The following SMIM10L2A variants were observed in gnomAD, a reference collection of about 807,000 sequenced individuals.
The protein encoded by SMIM10L2A is small integral membrane protein 10 like 2A.
SMIM10L2A carries 2 observed loss-of-function variants against 3.0 expected under a neutral mutation model. The observed-to-expected ratio is 0.66, with a 90% CI of 0.27 to 2.08. SMIM10L2A has a LOEUF of 2.08. SMIM10L2A is among the 30% of genes most tolerant of loss of function. The pLI, the probability that SMIM10L2A is intolerant of heterozygous loss-of-function variation, is 0.14. For missense variants in SMIM10L2A, 59 were observed against 66.5 expected, an observed-to-expected ratio of 0.89 and a Z score of 0.39; for synonymous variants, 29 against 34.8, an observed-to-expected ratio of 0.83 and a Z score of 0.58.
In SMIM10L2A at chrX:135,422,383, G is replaced by A; in HGVS notation, c.*15G>A. 7 of 554,759 alleles carry A rather than the reference G, an allele frequency of 1.3e-5. No individual in the cohort carries two copies. The highest frequency in any genetic ancestry group is 1.8e-5 in the Non-Finnish European group (7 of 389,777). 45.7% of individuals were successfully genotyped at this position (554,759 alleles called of 1,213,427 possible). A position where few individuals can be genotyped will look rare whatever the true frequency, so the allele number is the denominator to read the frequency against. Reference sequence around the variant, plus strand: ...GGATCGAGTGAGCGCCGGCGGCGGCGGCGGCGAAGGCCCGGCTGAAGGGGC... The same window carrying A: ...GGATCGAGTGAGCGCCGGCGGCGGCAGCGGCGAAGGCCCGGCTGAAGGGGC... On this transcript the variant is annotated 3_prime_UTR_variant, in exon 1 of 2. Transcript: ENST00000417443.
Position 135,424,326 on chromosome X carries a change from C to G in SMIM10L2A, c.*1056C>G, listed in dbSNP as rs1210362375. On this transcript the variant is annotated 3_prime_UTR_variant, in exon 2 of 2. Transcript: ENST00000417443. ...TCCTCAGCAGTGAAGTGGCACAAGCCTCCCAGTTTGGTGGGCAAGTGGGGG... is the reference window on the plus strand; with the variant it reads ...TCCTCAGCAGTGAAGTGGCACAAGCGTCCCAGTTTGGTGGGCAAGTGGGGG... 1 of 111,010 alleles carries G rather than the reference C, an allele frequency of 9.0e-6. No individual in the cohort carries two copies. The highest frequency in any genetic ancestry group is 3.3e-5 in the African/African-American group (1 of 30,395). The allele number at this position is 111,010 out of a possible 1,213,427, so 9.1% of individuals were successfully genotyped here.
rs2085134240 is a variant in SMIM10L2A, at chrX:135,422,300, A to G, written c.169A>G (p.Asn57Asp). ...CGACCTGGCCTGGCGGCTGCGCATGAACTTCCCCTACTTCTACATCGTGGC... is the reference window on the plus strand; with the variant it reads ...CGACCTGGCCTGGCGGCTGCGCATGGACTTCCCCTACTTCTACATCGTGGC... ...FFDLAWRLRM[N>D]FPYFYIVASV... is the part of the protein sequence containing the mutation. The change falls in exon 1 of 2, where the codon AAC becomes GAC. Residue 57 changes from asparagine (N) to aspartate (D), a missense_variant. Physicochemically the swap from Asn to Asp is conservative, Grantham distance 23 (BLOSUM62 1). Coordinates refer to ENST00000417443, the MANE Select transcript of SMIM10L2A (RefSeq NM_203306.3). 5.0e-6 allele frequency: 5 copies of G among 1,007,592 alleles called. No individual in the cohort carries two copies. The highest frequency in any genetic ancestry group is 6.6e-6 in the Non-Finnish European group (5 of 759,891). 83.0% of individuals were successfully genotyped at this position (1,007,592 alleles called of 1,213,427 possible).
Position 135,426,377 on chromosome X carries a change from G to A in SMIM10L2A, c.*3107G>A, listed in dbSNP as rs372261701. 1.8e-5 allele frequency: 2 copies of A among 109,976 alleles called. No homozygotes were observed. The allele number at this position is 109,976 out of a possible 1,213,427, so 9.1% of individuals were successfully genotyped here. ...AAGGGTTGGCAAGCAGGCAAAAGGC[G>A]GGGGAGGGAGGGCAGAGGGTAGTGT... On this transcript the variant is annotated 3_prime_UTR_variant, in exon 2 of 2. Coordinates refer to ENST00000417443, the MANE Select transcript of SMIM10L2A (RefSeq NM_203306.3).
Position 135,422,611 on chromosome X carries a change from C to T in SMIM10L2A, c.*243C>T. ...AACGCACTGAATGGGCCCCTGCCAT[C>T]GGGCTCCAGAAACTACCTGGGCTCG... On this transcript the variant is annotated 3_prime_UTR_variant, in exon 1 of 2. Coordinates refer to ENST00000417443, the MANE Select transcript of SMIM10L2A (RefSeq NM_203306.3). 9.7e-6 allele frequency: 2 copies of T among 205,714 alleles called. No homozygotes were observed. Among genetic ancestry groups the T allele is most frequent in the Non-Finnish European group, 1.8e-5 (2 of 111,733 alleles). 17.0% of individuals were successfully genotyped at this position (205,714 alleles called of 1,213,427 possible).
Position 135,427,751 on chromosome X carries a change from A to T in SMIM10L2A, c.*4481A>T, listed in dbSNP as rs1224806797. The T allele has an allele frequency of 2.7e-5, 3 of 112,284 alleles. No homozygotes were observed. The highest frequency in any genetic ancestry group is 3.8e-5 in the Non-Finnish European group (2 of 53,282). The allele number at this position is 112,284 out of a possible 1,213,427, so 9.3% of individuals were successfully genotyped here. On this transcript the variant is annotated 3_prime_UTR_variant, in exon 2 of 2. Transcript: ENST00000417443. ...ATCTCTTTTGTATGAAGGTTTCATC[A>T]TGTATCCCCCAGTGCCCTTTGGTTG...
rs2085142880 is a variant in SMIM10L2A at position 135,424,141 on chromosome X, G to A, written c.*871G>A. 1 of 111,358 alleles carries A rather than the reference G, an allele frequency of 9.0e-6. No individual in the cohort carries two copies. The highest frequency in any genetic ancestry group is 3.3e-5 in the African/African-American group (1 of 30,519). 9.2% of individuals were successfully genotyped at this position (111,358 alleles called of 1,213,427 possible). The stretch of plus-strand genomic sequence containing the variant: ...AGGGGCCCAGGGGTAGGGAATCTAG[G>A]AATGTCGCTTTCCTTGGAGCAGTAC... On this transcript the variant is annotated 3_prime_UTR_variant, in exon 2 of 2. Coordinates refer to ENST00000417443, the MANE Select transcript of SMIM10L2A (RefSeq NM_203306.3).
In SMIM10L2A at chrX:135,422,235, C is replaced by T. The variant is rs1338385257; in HGVS notation, c.104C>T (p.Ala35Val). The T allele has an allele frequency of 3.3e-5, 36 of 1,080,905 alleles. No homozygotes were observed. Among genetic ancestry groups the T allele is most frequent in the Non-Finnish European group, 3.8e-5 (31 of 823,784 alleles). The allele number at this position is 1,080,905 out of a possible 1,213,427, so 89.1% of individuals were successfully genotyped here. A position where few individuals can be genotyped will look rare whatever the true frequency, so the allele number is the denominator to read the frequency against. ...GCTGCGGCCCGAGGCTCGTACGGCG[C>T]CTTCTGCAAGGGGCTCACGCGCACG... is the stretch of plus-strand genomic sequence containing the variant. ...RSAAARGSYG[A>V]FCKGLTRTLL... Residue 35 changes from alanine to valine, a missense_variant, in exon 1 of 2, where the codon GCC becomes GTC. Transcript: ENST00000417443.
In SMIM10L2A at chrX:135,426,886, G is replaced by T. The variant is rs142521890; in HGVS notation, c.*3616G>T. Reference sequence around the variant, plus strand: ...CTTACTACTGTGTGGTGCCAGGCAAGCTGTGCACAACCTGGAGTTTTTAGT... The same window carrying T: ...CTTACTACTGTGTGGTGCCAGGCAATCTGTGCACAACCTGGAGTTTTTAGT... On this transcript the variant is annotated 3_prime_UTR_variant, in exon 2 of 2. Coordinates refer to ENST00000417443, the MANE Select transcript of SMIM10L2A (RefSeq NM_203306.3). The T allele has an allele frequency of 8.8e-4, 100 of 113,381 alleles. No individual in the cohort carries two copies. Among genetic ancestry groups the T allele is most frequent in the African/African-American group, 2.9e-3 (91 of 31,286 alleles). 9.3% of individuals were successfully genotyped at this position (113,381 alleles called of 1,213,427 possible).
chrX:135,422,244 A>G lies in SMIM10L2A; in HGVS notation c.113A>G (p.Lys38Arg). Residue 38 changes from lysine (K) to arginine (R), a missense_variant, in exon 1 of 2, where the codon AAG becomes AGG. Coordinates refer to ENST00000417443, the MANE Select transcript of SMIM10L2A (RefSeq NM_203306.3). ...AARGSYGAFC[K>R]GLTRTLLTFF... ...CGAGGCTCGTACGGCGCCTTCTGCA[A>G]GGGGCTCACGCGCACGCTGCTCACC... 1.8e-6 allele frequency: 2 copies of G among 1,085,224 alleles called. No homozygotes were observed. The highest frequency in any genetic ancestry group is 2.4e-6 in the Non-Finnish European group (2 of 825,902). The allele number at this position is 1,085,224 out of a possible 1,213,427, so 89.4% of individuals were successfully genotyped here.
In SMIM10L2A at chrX:135,424,886, G is replaced by A. The variant is rs1181473693; in HGVS notation, c.*1616G>A. 2.7e-5 allele frequency: 3 copies of A among 111,518 alleles called. No homozygotes were observed. Among genetic ancestry groups the A allele is most frequent in the Non-Finnish European group, 5.7e-5 (3 of 53,025 alleles). The allele number at this position is 111,518 out of a possible 1,213,427, so 9.2% of individuals were successfully genotyped here. Reference sequence around the variant, plus strand: ...CATGCCCCCTTGTCCCAAGTTTCTTGGGAACCCCTGACCCTGCTGGCCCCT... The same window carrying A: ...CATGCCCCCTTGTCCCAAGTTTCTTAGGAACCCCTGACCCTGCTGGCCCCT... On this transcript the variant is annotated 3_prime_UTR_variant, in exon 2 of 2. Coordinates refer to ENST00000417443, the MANE Select transcript of SMIM10L2A (RefSeq NM_203306.3).
In SMIM10L2A at chrX:135,427,806, G is replaced by A. The variant is rs2085158372; in HGVS notation, c.*4536G>A. 8.9e-6 allele frequency: 1 copy of A among 111,882 alleles called. No homozygotes were observed. The highest frequency in any genetic ancestry group is 3.3e-5 in the African/African-American group (1 of 30,722). 9.2% of individuals were successfully genotyped at this position (111,882 alleles called of 1,213,427 possible). On this transcript the variant is annotated 3_prime_UTR_variant, in exon 2 of 2. Coordinates refer to ENST00000417443, the MANE Select transcript of SMIM10L2A (RefSeq NM_203306.3). ...TCTTTGTTGTCATTTATTTTGGTGG[G>A]GGTTGGTTTGCTTTTTGTTGTTGTT... is the stretch of plus-strand genomic sequence containing the variant.
In SMIM10L2A at chrX:135,426,356, G is replaced by A. The variant is rs1395132233; in HGVS notation, c.*3086G>A. ...GACCTCCCTAGTGGCTGCTGTAAGG[G>A]TTGGCAAGCAGGCAAAAGGCGGGGG... On this transcript the variant is annotated 3_prime_UTR_variant, in exon 2 of 2. Transcript: ENST00000417443. The A allele has an allele frequency of 2.0e-4, 22 of 109,246 alleles. No individual in the cohort carries two copies. Among genetic ancestry groups the A allele is most frequent in the African/African-American group, 7.4e-4 (22 of 29,854 alleles). The allele number at this position is 109,246 out of a possible 1,213,427, so 9.0% of individuals were successfully genotyped here.
chrX:135,427,777 T>TCCA lies in SMIM10L2A; in HGVS notation c.*4507_*4508insCCA, dbSNP rs2085158251. ...TGTATCCCCCAGTGCCCTTTGGTTGTTTTTCTTTGTTGTCATTTATTTTGG... is the reference window on the plus strand; with the variant it reads ...TGTATCCCCCAGTGCCCTTTGGTTGTCCATTTTCTTTGTTGTCATTTATTTTGG... On this transcript the variant is annotated 3_prime_UTR_variant, in exon 2 of 2. Coordinates refer to ENST00000417443, the MANE Select transcript of SMIM10L2A (RefSeq NM_203306.3). The TCCA allele has an allele frequency of 8.9e-6, 1 of 112,460 alleles. No individual in the cohort carries two copies. The highest frequency in any genetic ancestry group is 3.2e-5 in the African/African-American group (1 of 30,888). The allele number at this position is 112,460 out of a possible 1,213,427, so 9.3% of individuals were successfully genotyped here.
Position 135,422,023 on chromosome X carries a change from CGCGGCT to C in SMIM10L2A, c.-108_-103del. Reference sequence around the variant, plus strand: ...CTTGGGAACACGGGGGCGGGGCGGCCGCGGCTCTGGGCGACCCGCTGGGTGCACTAG... The same window carrying C: ...CTTGGGAACACGGGGGCGGGGCGGCCCTGGGCGACCCGCTGGGTGCACTAG... On this transcript the variant is annotated 5_prime_UTR_variant, in exon 1 of 2. Coordinates refer to ENST00000417443, the MANE Select transcript of SMIM10L2A (RefSeq NM_203306.3). 3.9e-6 allele frequency: 1 copy of C among 255,293 alleles called. No individual in the cohort carries two copies. Among genetic ancestry groups the C allele is most frequent in the Non-Finnish European group, 7.0e-6 (1 of 143,691 alleles). 21.0% of individuals were successfully genotyped at this position (255,293 alleles called of 1,213,427 possible).
At chrX:135,423,322 A>T (rs781789060) in intron 1 of SMIM10L2A, among the ~76,000 whole-genome samples, 26 of 111,872 alleles carry the variant, frequency 2.3e-4, no homozygotes, top group Non-Finnish European at 4.9e-4. Flanking sequence ...AGTGGGAGAG[A>T]CGCATTCCTA....
Position 135,427,786 on chromosome X carries a change from GTTGT to G in SMIM10L2A, c.*4517_*4520del, listed in dbSNP as rs2085158316. 1.8e-5 allele frequency: 2 copies of G among 111,990 alleles called. No homozygotes were observed. The highest frequency in any genetic ancestry group is 6.5e-5 in the African/African-American group (2 of 30,777). The allele number at this position is 111,990 out of a possible 1,213,427, so 9.2% of individuals were successfully genotyped here. A position where few individuals can be genotyped will look rare whatever the true frequency, so the allele number is the denominator to read the frequency against. On this transcript the variant is annotated 3_prime_UTR_variant, in exon 2 of 2. Transcript: ENST00000417443. ...CAGTGCCCTTTGGTTGTTTTTCTTT[GTTGT>G]CATTTATTTTGGTGGGGGTTGGTTT...
chrX:135,427,774 T>C lies in SMIM10L2A; in HGVS notation c.*4504T>C, dbSNP rs2085158235. On this transcript the variant is annotated 3_prime_UTR_variant, in exon 2 of 2. Transcript: ENST00000417443. ...TCATGTATCCCCCAGTGCCCTTTGGTTGTTTTTCTTTGTTGTCATTTATTT... is the reference window on the plus strand; with the variant it reads ...TCATGTATCCCCCAGTGCCCTTTGGCTGTTTTTCTTTGTTGTCATTTATTT... The C allele has an allele frequency of 8.9e-6, 1 of 112,432 alleles. No homozygotes were observed. Among genetic ancestry groups the C allele is most frequent in the African/African-American group, 3.2e-5 (1 of 30,892 alleles). 9.3% of individuals were successfully genotyped at this position (112,432 alleles called of 1,213,427 possible). A position where few individuals can be genotyped will look rare whatever the true frequency, so the allele number is the denominator to read the frequency against.
At position 135,426,998 on chromosome X, in the gene SMIM10L2A, T is replaced by C. The variant is rs2085155399; in HGVS notation, c.*3728T>C. 8.8e-6 allele frequency: 1 copy of C among 113,246 alleles called. No homozygotes were observed. Among genetic ancestry groups the C allele is most frequent in the African/African-American group, 3.2e-5 (1 of 31,154 alleles). The allele number at this position is 113,246 out of a possible 1,213,427, so 9.3% of individuals were successfully genotyped here. A position where few individuals can be genotyped will look rare whatever the true frequency, so the allele number is the denominator to read the frequency against. ...CAGGTCTCACCTGGAGCAGCCTTGTTACTGTGGGGAAAAGGAACCAAGTGA... is the reference window on the plus strand; with the variant it reads ...CAGGTCTCACCTGGAGCAGCCTTGTCACTGTGGGGAAAAGGAACCAAGTGA... On this transcript the variant is annotated 3_prime_UTR_variant, in exon 2 of 2. Transcript: ENST00000417443.
In SMIM10L2A at chrX:135,426,666, A is replaced by T. The variant is rs2085153987; in HGVS notation, c.*3396A>T. Reference sequence around the variant, plus strand: ...CCCCTTTGTCTAGATGGTCCTCTTTATCCCCACTCCAGGGATCACATGACT... The same window carrying T: ...CCCCTTTGTCTAGATGGTCCTCTTTTTCCCCACTCCAGGGATCACATGACT... On this transcript the variant is annotated 3_prime_UTR_variant, in exon 2 of 2. Coordinates refer to ENST00000417443, the MANE Select transcript of SMIM10L2A (RefSeq NM_203306.3). 1.8e-5 allele frequency: 2 copies of T among 113,079 alleles called. No individual in the cohort carries two copies. The highest frequency in any genetic ancestry group is 6.4e-5 in the African/African-American group (2 of 31,145). 9.3% of individuals were successfully genotyped at this position (113,079 alleles called of 1,213,427 possible).
Sources: gnomAD v4.1 joint callset for allele counts (sites outside exome capture counted in the v4.1 genomes callset) on GRCh38, gnomAD v4.1.1 for gene constraint, MANE v1.5 for transcripts, NCBI Gene and HGNC (gene_info 2026-07-23, HGNC 2026-07-21) for gene names.